RAPGEF2: variants seen among roughly 807,000 people sequenced by gnomAD.
RAPGEF2 encodes Rap guanine nucleotide exchange factor 2, also known as PDZ domain containing guanine nucleotide exchange factor (GEF) 1.
Under a neutral mutation model 186.7 loss-of-function variants are expected in RAPGEF2, and 54 were observed. The ratio of observed to expected loss-of-function variants is 0.29; its 90% CI spans 0.23 to 0.36. The LOEUF is 0.36. Among genes scored for constraint, RAPGEF2 ranks in the 10% least tolerant of loss-of-function variants. The probability of loss-of-function intolerance (pLI) is 1.00; values close to 1 mark genes in which losing one functional copy is unlikely to be tolerated. For missense variants in RAPGEF2, 1,532 were observed against 2,045.0 expected (o/e 0.75, Z 4.84); for synonymous variants, 712 against 705.9 (o/e 1.01, Z -0.14).
intron 1 of RAPGEF2, among the ~76,000 whole-genome samples, chr4:159,133,874 C>T (rs368576910): frequency 1.5e-3 from 226 of 152,260 alleles, no homozygotes; most frequent in African/African-American, 5.0e-3. Flanking sequence ...TGAGCCACCG[C>T]GCCTGGCCAA....
At chr4:159,254,620 T>TTA in intron 7 of RAPGEF2, among the ~76,000 whole-genome samples, 2 of 151,122 alleles carry the variant, frequency 1.3e-5, no homozygotes. Context: ...TTTTTTTTTT[T>TTA]TTAAATGAGA....
At chr4:159,236,534 G>A (rs963479173) in intron 4 of RAPGEF2, among the ~76,000 whole-genome samples, 2 of 152,064 alleles carry the variant, frequency 1.3e-5, no homozygotes, top group African/African-American at 4.8e-5. Context: ...ATATGTTTTT[G>A]TATCAAGTAT....
intron 9 of RAPGEF2, among the ~76,000 whole-genome samples, 170 bp from the exon 10 acceptor site, chr4:159,322,177 T>C (rs1765316439): frequency 1.3e-5 from 2 of 152,220 alleles, no homozygotes; most frequent in African/African-American, 4.8e-5. Flanking sequence ...GTGACAGAAT[T>C]CTTTGTGTAC....
At chr4:159,307,748 G>T (rs1763475684) in intron 8 of RAPGEF2, among the ~76,000 whole-genome samples, 1 of 152,310 alleles carries the variant, frequency 6.6e-6, no homozygotes, top group African/African-American at 2.4e-5. Flanking sequence ...AAGGCAGGCA[G>T]ATCACTTGAG....
intron 7 of RAPGEF2, among the ~76,000 whole-genome samples, chr4:159,272,937 A>G (rs1265996760): frequency 8.5e-5 from 13 of 152,320 alleles, no homozygotes; most frequent in Non-Finnish European, 1.6e-4. Context: ...AGAAAACTCA[A>G]TTAACAAAAA....
intron 1 of RAPGEF2, among the ~76,000 whole-genome samples, chr4:159,145,661 C>T (rs1742887247): frequency 6.6e-6 from 1 of 152,156 alleles, no homozygotes; most frequent in South Asian, 2.1e-4. Flanking sequence ...CATTCCATAG[C>T]CAATGTGTTT....
intron 19 of RAPGEF2, among the ~76,000 whole-genome samples, chr4:159,341,159 A>G (rs1427379247): frequency 2.0e-5 from 3 of 151,960 alleles, no homozygotes; most frequent in African/African-American, 7.3e-5. Flanking sequence ...AGAAAATAAG[A>G]AAATAAGGAA....
rs750124532 is a variant in RAPGEF2, at chr4:159,352,665, C to CTTA, written c.3866-20_3866-19insTTA. 3.8e-6 allele frequency: 6 copies of CTTA among 1,567,166 alleles called. No individual in the cohort carries two copies. The African/African-American group carries it at 4.1e-5, about 11-fold the overall frequency. On this transcript the variant is annotated intron_variant, in intron 26 of 29. Transcript: ENST00000691494. ...ATAAACCTAGAGAGTCTAATTAATA[C>CTTA]GGTTGTATTTCTCATGCAGGCTATA...
chr4:159,168,541 T>C (rs148830650), intron 1 of RAPGEF2, among the ~76,000 whole-genome samples: 1,578 of 152,022 alleles, frequency 0.01, 30 homozygotes, highest in African/African-American at 0.036. Flanking sequence ...TTCTGCCAAG[T>C]TGGGTTTCAT....
intron 1 of RAPGEF2, among the ~76,000 whole-genome samples, chr4:159,145,405 T>G (rs1460196169): frequency 6.6e-6 from 1 of 152,086 alleles, no homozygotes; most frequent in Non-Finnish European, 1.5e-5. Flanking sequence ...CCCCAAAACA[T>G]TGCCATTTGC....
intron 1 of RAPGEF2, among the ~76,000 whole-genome samples, chr4:159,171,908 C>T (rs957071048): frequency 2.6e-5 from 4 of 152,022 alleles, no homozygotes; most frequent in African/African-American, 4.8e-5. Flanking sequence ...TTCATACTAC[C>T]GTTCAAGAGT....
At chr4:159,317,878 A>G (rs766083337) in intron 9 of RAPGEF2, among the ~76,000 whole-genome samples, 4 of 152,180 alleles carry the variant, frequency 2.6e-5, no homozygotes, top group Non-Finnish European at 4.4e-5. Flanking sequence ...AATCTAATAT[A>G]TCTTTTTTGA....
At chr4:159,181,052 A>G (rs1239260786) in intron 1 of RAPGEF2, among the ~76,000 whole-genome samples, 1 of 152,252 alleles carries the variant, frequency 6.6e-6, no homozygotes, top group Admixed American at 6.5e-5. Flanking sequence ...TCATACTAAC[A>G]CACATAATGT....
intron 1 of RAPGEF2, among the ~76,000 whole-genome samples, chr4:159,108,299 A>G (rs1307969020): frequency 6.6e-6 from 1 of 151,980 alleles, no homozygotes; most frequent in Non-Finnish European, 1.5e-5. Flanking sequence ...CAAAATGAAA[A>G]TCTCTCCAAC....
intron 9 of RAPGEF2, 52 bp downstream of exon 9, chr4:159,314,820 CA>C: frequency 6.7e-7 from 1 of 1,492,202 alleles, no homozygotes; most frequent in Non-Finnish European, 9.0e-7. Context: ...GATTTAGTGG[CA>C]AAATTGTCTG....
intron 4 of RAPGEF2, among the ~76,000 whole-genome samples, chr4:159,212,929 A>G (rs1750663819): frequency 6.6e-6 from 1 of 152,230 alleles, no homozygotes; most frequent in South Asian, 2.1e-4. Flanking sequence ...GAAGACTGCT[A>G]TTCTAGAAAA....
At chr4:159,137,732 A>G (rs964734952) in intron 1 of RAPGEF2, among the ~76,000 whole-genome samples, 2 of 144,056 alleles carry the variant, frequency 1.4e-5, no homozygotes, top group Non-Finnish European at 3.1e-5. Flanking sequence ...AAAAACCTGC[A>G]AAGATTTAAA....
At chr4:159,262,261 T>C (rs1186631024) in intron 7 of RAPGEF2, among the ~76,000 whole-genome samples, 2 of 152,224 alleles carry the variant, frequency 1.3e-5, no homozygotes, top group African/African-American at 4.8e-5. Flanking sequence ...TTTCCTGTTT[T>C]TCTTAAATAA....
At chr4:159,260,771 G>A (rs1358672193) in intron 7 of RAPGEF2, among the ~76,000 whole-genome samples, 1 of 152,140 alleles carries the variant, frequency 6.6e-6, no homozygotes, top group African/African-American at 2.4e-5. Context: ...TTTTTGAGAC[G>A]GAGTTTCACT....
Sources: gnomAD v4.1 joint callset for allele counts (sites outside exome capture counted in the v4.1 genomes callset) on GRCh38, gnomAD v4.1.1 for gene constraint, MANE v1.5 for transcripts, NCBI Gene and HGNC (gene_info 2026-07-23, HGNC 2026-07-21) for gene names.